Variants in FBXL17 observed in about 807,000 individuals in gnomAD.
FBXL17 encodes the protein F-box and leucine rich repeat protein 17.
A neutral mutation model predicts 66.2 loss-of-function variants in FBXL17; 22 were observed. The observed-to-expected ratio is 0.33, with a 90% CI of 0.24 to 0.47. The LOEUF is 0.47. FBXL17 is among the 20% of genes least tolerant of loss of function. The pLI is 1.00. For missense variants in FBXL17, 878 were observed against 948.2 expected, an observed-to-expected ratio of 0.93 and a Z score of 0.97; for synonymous variants, 474 against 400.5, an observed-to-expected ratio of 1.18 and a Z score of -2.19.
At chr5:107,978,951 C>G (rs1752695957) in intron 7 of FBXL17, among the ~76,000 whole-genome samples, 1 of 152,164 alleles carries the variant, frequency 6.6e-6, no homozygotes, top group Non-Finnish European at 1.5e-5. Context: ...AACATAGGCT[C>G]TGGTGACAAA....
chr5:108,075,291 A>T (rs575953615), intron 6 of FBXL17, among the ~76,000 whole-genome samples: 8 of 152,138 alleles, frequency 5.3e-5, no homozygotes, highest in African/African-American at 1.9e-4. Flanking sequence ...GTGCTACCTT[A>T]GCATCATTCT....
At chr5:108,181,114 T>C (rs1752984767) in intron 6 of FBXL17, among the ~76,000 whole-genome samples, 1 of 152,196 alleles carries the variant, frequency 6.6e-6, no homozygotes. Context: ...GACCAGTTTT[T>C]TACACATCAG....
chr5:108,286,404 C>G (rs1396130245), intron 4 of FBXL17, among the ~76,000 whole-genome samples: 2 of 151,904 alleles, frequency 1.3e-5, no homozygotes, highest in African/African-American at 4.8e-5. Context: ...GTAGCATCTG[C>G]CCAAAAGCTC....
intron 4 of FBXL17, among the ~76,000 whole-genome samples, chr5:108,319,653 A>T (rs1392387129): frequency 6.6e-6 from 1 of 151,814 alleles, no homozygotes; most frequent in Non-Finnish European, 1.5e-5. Flanking sequence ...TAAATGAACA[A>T]AAATCTAAAA....
chr5:108,223,927 T>G (rs1754981932), intron 5 of FBXL17, among the ~76,000 whole-genome samples, 194 bp downstream of exon 5: 2 of 152,220 alleles, frequency 1.3e-5, no homozygotes, highest in Admixed American at 1.3e-4. Flanking sequence ...AAAAAGCTTC[T>G]TGTTTAAATG....
rs1749351425 is a variant in FBXL17, at chr5:108,375,391, AC to A, written c.993+5307del. Among the ~76,000 whole-genome samples, 3 of 147,846 alleles carry A rather than the reference AC, an allele frequency of 2.0e-5. No individual in the cohort carries two copies. The Admixed American group carries it at 2.1e-4, about 10-fold the overall frequency. On this transcript the variant is annotated intron_variant, in intron 1 of 8. Coordinates refer to ENST00000542267, the MANE Select transcript of FBXL17 (RefSeq NM_001163315.3). ...TGCACACACACACACACACACACAC[AC>A]ACAAAATTGGCTAGACTAAGAATAA...
At chr5:108,332,783 T>A (rs1043246228) in intron 4 of FBXL17, among the ~76,000 whole-genome samples, 2 of 151,882 alleles carry the variant, frequency 1.3e-5, no homozygotes, top group African/African-American at 2.4e-5. Context: ...AATTCTTGTA[T>A]TTTTAGTAGA....
intron 7 of FBXL17, among the ~76,000 whole-genome samples, chr5:107,905,663 G>A (rs551401847): frequency 1.1e-3 from 172 of 152,254 alleles, no homozygotes; most frequent in African/African-American, 4.0e-3. Context: ...TATGTGCTAT[G>A]TGCATGTATG....
Position 108,009,293 on chromosome 5 carries a change from A to C in FBXL17, c.1822+11632T>G. On this transcript the variant is annotated intron_variant, in intron 7 of 8. Coordinates refer to ENST00000542267, the MANE Select transcript of FBXL17 (RefSeq NM_001163315.3). ...TATATATATATATATATATATATAT[A>C]TATATATACATATATACATACACAT... Among the ~76,000 whole-genome samples the C allele has an allele frequency of 2.3e-5, 2 of 88,726 alleles. 1 individual carries two copies. The highest frequency in any genetic ancestry group is 1.1e-4 in the African/African-American group (2 of 17,894). The allele number at this position is 88,726 out of a possible 152,430, so 58.2% of individuals were successfully genotyped here.
intron 4 of FBXL17, among the ~76,000 whole-genome samples, chr5:108,258,982 G>A (rs906137562): frequency 4.6e-5 from 7 of 151,914 alleles, no homozygotes; most frequent in Admixed American, 3.3e-4. Context: ...TATTTCCAAG[G>A]CAGTCTATAG....
intron 6 of FBXL17, among the ~76,000 whole-genome samples, chr5:108,097,716 G>T (rs1309995928): frequency 1.3e-5 from 2 of 151,690 alleles, no homozygotes; most frequent in Non-Finnish European, 2.9e-5. Context: ...TTGAACCCGG[G>T]AGGCGGAAGC....
At chr5:107,924,104 T>C (rs1038987446) in intron 7 of FBXL17, among the ~76,000 whole-genome samples, 1 of 150,924 alleles carries the variant, frequency 6.6e-6, no homozygotes, top group African/African-American at 2.4e-5. Flanking sequence ...GGTCTTACTT[T>C]GTTGCCCAGG....
At chr5:107,907,676 CA>C (rs1426626579) in intron 7 of FBXL17, among the ~76,000 whole-genome samples, 3 of 152,098 alleles carry the variant, frequency 2.0e-5, no homozygotes, top group African/African-American at 7.2e-5. Flanking sequence ...TTTATGCAGC[CA>C]AAAAACACAT....
chr5:107,930,991 CA>C (rs1437182337), intron 7 of FBXL17, among the ~76,000 whole-genome samples: 4 of 30,780 alleles, frequency 1.3e-4, no homozygotes, highest in African/African-American at 5.4e-4. Flanking sequence ...TAAATAAAGA[CA>C]TTTTTTTCCC....
intron 5 of FBXL17, among the ~76,000 whole-genome samples, chr5:108,206,586 A>G (rs1417639326): frequency 6.6e-6 from 1 of 152,086 alleles, no homozygotes; most frequent in East Asian, 1.9e-4. Flanking sequence ...GTAACTTGAC[A>G]ATCATTTGCA....
intron 4 of FBXL17, among the ~76,000 whole-genome samples, chr5:108,248,555 G>C (rs1756210497): frequency 6.6e-6 from 1 of 152,006 alleles, no homozygotes; most frequent in South Asian, 2.1e-4. Context: ...AAAAATGGAA[G>C]AAATGTCCCC....
chr5:107,987,432 T>C (rs1753059254), intron 7 of FBXL17, among the ~76,000 whole-genome samples: 1 of 152,060 alleles, frequency 6.6e-6, no homozygotes, highest in Non-Finnish European at 1.5e-5. Flanking sequence ...AAGATAATAA[T>C]AACTATCACT....
chr5:108,192,086 C>A (rs1240574310), intron 5 of FBXL17, among the ~76,000 whole-genome samples: 3 of 152,154 alleles, frequency 2.0e-5, no homozygotes, highest in African/African-American at 7.2e-5. Flanking sequence ...TTCAAAACTG[C>A]ACAAACAGTT....
intron 7 of FBXL17, among the ~76,000 whole-genome samples, chr5:108,003,482 T>C (rs1359863394): frequency 6.6e-6 from 1 of 152,038 alleles, no homozygotes; most frequent in Non-Finnish European, 1.5e-5. Context: ...CAATTCACTA[T>C]GAATGAGAGC....
Sources: allele counts gnomAD v4.1 joint callset (sites outside exome capture counted in the v4.1 genomes callset), GRCh38; gene constraint gnomAD v4.1.1; transcripts MANE v1.5; gene names NCBI Gene and HGNC (gene_info 2026-07-23, HGNC 2026-07-21).